The following NIBAN1 variants were observed in gnomAD, a reference collection of about 807,000 sequenced individuals.
NIBAN1 encodes protein Niban 1.
NIBAN1 carries 81 observed loss-of-function variants against 75.1 expected under a neutral mutation model. The ratio of observed to expected loss-of-function variants is 1.08; its 90% confidence interval spans 0.90 to 1.30. NIBAN1 has a LOEUF of 1.30. Ranked by LOEUF, NIBAN1 falls within the 50% of genes most tolerant of loss-of-function variation. The pLI is 0.00. For synonymous variants in NIBAN1, 436 were observed against 424.8 expected (o/e 1.03, Z -0.32); for missense variants, 1,133 against 1,128.1 (o/e 1.00, Z -0.06).
chr1:184,873,530 G>A (rs1656162797), intron 5 of NIBAN1, among the ~76,000 whole-genome samples: 4 of 152,146 alleles, frequency 2.6e-5, no homozygotes, highest in Admixed American at 2.6e-4. Context: ...CCAGAGTTAA[G>A]GAGTCAATGC....
At chr1:184,938,942 C>T (rs1015180159) in intron 1 of NIBAN1, among the ~76,000 whole-genome samples, 5 of 152,176 alleles carry the variant, frequency 3.3e-5, no homozygotes, top group African/African-American at 7.2e-5. Context: ...GCAGCTAAAT[C>T]GAGTTACTTA....
intron 2 of NIBAN1, among the ~76,000 whole-genome samples, chr1:184,897,352 G>A (rs968838352): frequency 6.6e-6 from 1 of 150,934 alleles, no homozygotes; most frequent in Non-Finnish European, 1.5e-5. Context: ...ATGGGATTGA[G>A]TTCTTAATTT....
Position 184,970,357 on chromosome 1 carries a change from CACCA to C in NIBAN1, c.55+3941_55+3944del, listed in dbSNP as rs371369535. 4.9e-3 allele frequency among the ~76,000 whole-genome samples: 739 copies of C among 152,214 alleles called. 3 individuals carry two copies. The highest frequency in any genetic ancestry group is 0.017 in the African/African-American group (701 of 41,526). ...CAGACCAGTTCTTATGCCCATCTCC[CACCA>C]ACAAATTATGACCGAAGAAGCAAAT... is the stretch of plus-strand genomic sequence containing the variant. On this transcript the variant is annotated intron_variant, in intron 1 of 13. Transcript: ENST00000367511.
At chr1:184,807,940 C>T (rs914379920) in intron 10 of NIBAN1, 134 bp downstream of exon 10, 27 of 964,500 alleles carry the variant, frequency 2.8e-5, no homozygotes, top group Non-Finnish European at 4.4e-5. Flanking sequence ...AGAACGTGTC[C>T]TCCCGCAACA....
intron 1 of NIBAN1, among the ~76,000 whole-genome samples, 177 bp from the exon 2 acceptor site, chr1:184,899,486 A>G (rs909632215): frequency 1.3e-4 from 19 of 151,912 alleles, no homozygotes; most frequent in Non-Finnish European, 2.1e-4. Flanking sequence ...CTTCCCGGAG[A>G]ACTTTGCTAC....
intron 1 of NIBAN1, among the ~76,000 whole-genome samples, chr1:184,943,778 T>C (rs1196417714): frequency 1.3e-5 from 2 of 152,158 alleles, no homozygotes; most frequent in Admixed American, 1.3e-4. Flanking sequence ...ATAAGTGGAA[T>C]TTTAGCTTAT....
chr1:184,917,042 C>T (rs1657402248), intron 1 of NIBAN1, among the ~76,000 whole-genome samples: 1 of 152,202 alleles, frequency 6.6e-6, no homozygotes, highest in South Asian at 2.1e-4. Context: ...GATCAACCCA[C>T]CTGCCCATTT....
chr1:184,794,946 T>G lies in NIBAN1; in HGVS notation c.*31A>C. 1 of 1,603,492 alleles carries G rather than the reference T, an allele frequency of 6.2e-7. No individual in the cohort carries two copies. Among genetic ancestry groups the G allele is most frequent in the Non-Finnish European group, 8.5e-7 (1 of 1,179,980 alleles). The stretch of plus-strand genomic sequence containing the variant: ...TACCCCTATAACCCTTTGGCTTTTT[T>G]CAGAGAAAGACTTCAGCCAAATTGT... On this transcript the variant is annotated 3_prime_UTR_variant, in exon 14 of 14. Coordinates refer to ENST00000367511, the MANE Select transcript of NIBAN1 (RefSeq NM_052966.4).
At chr1:184,893,300 G>C (rs907004784) in intron 3 of NIBAN1, among the ~76,000 whole-genome samples, 3 of 152,164 alleles carry the variant, frequency 2.0e-5, no homozygotes, top group African/African-American at 7.2e-5. Context: ...TTCATTTCTA[G>C]TTAATGGCAC....
At chr1:184,954,886 C>T (rs1024276418) in intron 1 of NIBAN1, among the ~76,000 whole-genome samples, 1 of 152,120 alleles carries the variant, frequency 6.6e-6, no homozygotes, top group African/African-American at 2.4e-5. Context: ...ATGCTTATCT[C>T]TAAGTTTCCT....
intron 1 of NIBAN1, among the ~76,000 whole-genome samples, chr1:184,900,928 T>C (rs1449614678): frequency 1.3e-5 from 2 of 152,234 alleles, no homozygotes; most frequent in Non-Finnish European, 2.9e-5. Flanking sequence ...TTTGATATTA[T>C]AGTCAATAAA....
intron 5 of NIBAN1, among the ~76,000 whole-genome samples, chr1:184,883,280 G>A (rs234660): frequency 0.41 from 62,561 of 152,064 alleles, 13,054 homozygotes; most frequent in South Asian, 0.5. Flanking sequence ...GTAACCTCTC[G>A]TTGCTCTTTA....
intron 5 of NIBAN1, among the ~76,000 whole-genome samples, chr1:184,872,872 A>G (rs933188026): frequency 1.2e-4 from 18 of 152,224 alleles, no homozygotes; most frequent in African/African-American, 4.3e-4. Flanking sequence ...GAAGACCAAC[A>G]AATTTCAAGC....
At chr1:184,956,770 C>T (rs1286988744) in intron 1 of NIBAN1, among the ~76,000 whole-genome samples, 1 of 152,068 alleles carries the variant, frequency 6.6e-6, no homozygotes, top group East Asian at 1.9e-4. Flanking sequence ...CTTTAACAAA[C>T]CACCAAAGGT....
chr1:184,826,039 C>T (rs1455261224), intron 6 of NIBAN1, among the ~76,000 whole-genome samples: 1 of 152,188 alleles, frequency 6.6e-6, no homozygotes, highest in Non-Finnish European at 1.5e-5. Context: ...TTAATCAGGG[C>T]TCTGTCGCAG....
chr1:184,855,452 C>T (rs1378713794), intron 5 of NIBAN1, among the ~76,000 whole-genome samples: 9 of 151,932 alleles, frequency 5.9e-5, no homozygotes, highest in Non-Finnish European at 4.4e-5. Flanking sequence ...TAATCCCATA[C>T]TTATTTTTTT....
intron 1 of NIBAN1, among the ~76,000 whole-genome samples, chr1:184,970,227 C>T (rs1404431670): frequency 3.3e-5 from 5 of 151,424 alleles, no homozygotes; most frequent in South Asian, 4.2e-4. Context: ...TGACATACCA[C>T]GGTGTCTACC....
intron 1 of NIBAN1, among the ~76,000 whole-genome samples, chr1:184,906,331 A>T (rs1027967986): frequency 2.6e-5 from 4 of 151,620 alleles, no homozygotes; most frequent in Non-Finnish European, 4.4e-5. Context: ...ATATCTGTTT[A>T]TAAAATATCA....
In NIBAN1 at chr1:184,801,517, ACG is replaced by A. The variant is rs1441899897; in HGVS notation, c.1554+2066_1554+2067del. On this transcript the variant is annotated intron_variant, in intron 12 of 13. Coordinates refer to ENST00000367511, the MANE Select transcript of NIBAN1 (RefSeq NM_052966.4). ...CCTGCAACACCCTTTCATCCTTCCC[ACG>A]TGGTCCCCCATTCCTATTCCCCTGA... Among the ~76,000 whole-genome samples, 5 of 152,140 alleles carry A rather than the reference ACG, an allele frequency of 3.3e-5. No homozygotes were observed. The East Asian group carries it at 9.7e-4, about 29-fold the overall frequency.
Sources: gnomAD v4.1 joint callset for allele counts (sites outside exome capture counted in the v4.1 genomes callset) on GRCh38, gnomAD v4.1.1 for gene constraint, MANE v1.5 for transcripts, NCBI Gene and HGNC (gene_info 2026-07-23, HGNC 2026-07-21) for gene names.